Variants in PPHLN1 observed in about 807,000 individuals in gnomAD.
PPHLN1 encodes the protein periphilin 1.
In PPHLN1, 29 loss-of-function variants were observed where a neutral mutation model predicts 51.3. The ratio of observed to expected loss-of-function variants is 0.57; its 90% CI spans 0.42 to 0.77. PPHLN1 has a LOEUF of 0.77. Among genes scored for constraint, PPHLN1 ranks in the 30% least tolerant of loss-of-function variants. The probability of loss-of-function intolerance (pLI) is 0.00; values close to 1 mark genes in which losing one functional copy is unlikely to be tolerated. For missense variants in PPHLN1, 436 were observed against 438.4 expected (o/e 0.99, Z 0.05); for synonymous variants, 147 against 147.8 (o/e 0.99, Z 0.04).
At chr12:42,389,435 C>T (rs1260248657) in intron 7 of PPHLN1, among the ~76,000 whole-genome samples, 2 of 151,796 alleles carry the variant, frequency 1.3e-5, no homozygotes, top group African/African-American at 4.8e-5. Flanking sequence ...TGGCACGTGC[C>T]TGTAGTCCCA....
intron 7 of PPHLN1, among the ~76,000 whole-genome samples, chr12:42,391,816 C>T (rs1184345034): frequency 1.3e-5 from 2 of 152,056 alleles, no homozygotes; most frequent in Admixed American, 6.6e-5. Flanking sequence ...GTAGAATATA[C>T]TTCATATAGA....
intron 4 of PPHLN1, among the ~76,000 whole-genome samples, chr12:42,364,625 A>G (rs2075066936): frequency 6.6e-6 from 1 of 152,100 alleles, no homozygotes; most frequent in Non-Finnish European, 1.5e-5. Context: ...CTCTGTCTCA[A>G]AAAATTTTTA....
chr12:42,361,930 CT>C (rs1244754469), intron 4 of PPHLN1, among the ~76,000 whole-genome samples: 1 of 152,108 alleles, frequency 6.6e-6, no homozygotes, highest in African/African-American at 2.4e-5. Flanking sequence ...GTAATCTATG[CT>C]TATCTTTTTG....
intron 8 of PPHLN1, 149 bp downstream of exon 8, chr12:42,393,838 A>ATTCATATTCT: frequency 1.3e-6 from 1 of 778,060 alleles, no homozygotes; most frequent in Non-Finnish European, 1.9e-6. Context: ...AATGATAGTC[A>ATTCATATTCT]GAATATGAAT....
chr12:42,431,877 C>G, intron 9 of PPHLN1: 1 of 1,590,398 alleles, frequency 6.3e-7, no homozygotes. Flanking sequence ...CAGATTCAGT[C>G]ATTCCATCCA....
At chr12:42,380,311 G>C (rs1206447102) in intron 5 of PPHLN1, among the ~76,000 whole-genome samples, 1 of 151,882 alleles carries the variant, frequency 6.6e-6, no homozygotes. Flanking sequence ...TTGTTTGTTT[G>C]GCCTTTGTTT....
rs142428608 is a variant in PPHLN1, at chr12:42,394,573, G to C, written c.768+884G>C. On this transcript the variant is annotated intron_variant, in intron 8 of 9. Transcript: ENST00000358314. ...AACTAATGTACACTGCTCATAAAAA[G>C]TATAAACCCTATCAGAACTTACGCA... is the stretch of plus-strand genomic sequence containing the variant. Among the ~76,000 whole-genome samples the C allele has an allele frequency of 2.0e-5, 3 of 152,206 alleles. 1 individual carries two copies. The highest frequency in any genetic ancestry group is 7.2e-5 in the African/African-American group (3 of 41,570).
intron 5 of PPHLN1, among the ~76,000 whole-genome samples, chr12:42,376,629 A>C (rs1037278189): frequency 6.6e-6 from 1 of 152,108 alleles, no homozygotes. Context: ...TCTCTCAAAA[A>C]AGAATTTAAA....
intron 9 of PPHLN1, among the ~76,000 whole-genome samples, chr12:42,410,324 T>G (rs963260013): frequency 2.0e-5 from 3 of 152,332 alleles, no homozygotes; most frequent in East Asian, 1.9e-4. Context: ...TCTGATTTTT[T>G]TAAACTTTGT....
At chr12:42,400,315 A>T (rs947592498) in intron 9 of PPHLN1, 1 of 151,446 alleles carries the variant, frequency 6.6e-6, no homozygotes, top group Non-Finnish European at 1.5e-5. Context: ...AAAAATACAA[A>T]AAATTAGCCG....
At chr12:42,443,715 T>C (rs2083134529), downstream of PPHLN1, 1 of 152,244 alleles carries the variant, frequency 6.6e-6, no homozygotes, top group African/African-American at 2.4e-5. Context: ...TGGAGACTTT[T>C]GCATGGCTTA....
At chr12:42,368,041 A>G (rs2138619841) in intron 4 of PPHLN1, among the ~76,000 whole-genome samples, 1 of 152,344 alleles carries the variant, frequency 6.6e-6, no homozygotes, top group African/African-American at 2.4e-5. Context: ...CCAGCCAAAA[A>G]TAAATTATTA....
At chr12:42,367,616 AT>A (rs1288814114) in intron 4 of PPHLN1, among the ~76,000 whole-genome samples, 1 of 151,708 alleles carries the variant, frequency 6.6e-6, no homozygotes, top group Non-Finnish European at 1.5e-5. Flanking sequence ...GTGAGGTGAT[AT>A]TTTTCGTCTA....
At chr12:42,374,045 TC>T (rs1274284370) in intron 4 of PPHLN1, among the ~76,000 whole-genome samples, 4 of 152,126 alleles carry the variant, frequency 2.6e-5, no homozygotes, top group Non-Finnish European at 5.9e-5. Flanking sequence ...GTTATGATAA[TC>T]AAAAATACCT....
intron 1 of PPHLN1, among the ~76,000 whole-genome samples, chr12:42,328,306 T>C (rs868832735): frequency 2.4e-4 from 36 of 152,274 alleles, no homozygotes; most frequent in Middle Eastern, 3.4e-3. Flanking sequence ...AGGTTAGATA[T>C]AATAGAAGGA....
At chr12:42,348,904 T>C (rs1474464510) in intron 2 of PPHLN1, among the ~76,000 whole-genome samples, 1 of 152,184 alleles carries the variant, frequency 6.6e-6, no homozygotes, top group African/African-American at 2.4e-5. Context: ...GTATATTCAT[T>C]TGTGTATCAT....
At chr12:42,382,196 T>C (rs964008990) in intron 5 of PPHLN1, among the ~76,000 whole-genome samples, 1 of 152,234 alleles carries the variant, frequency 6.6e-6, no homozygotes, top group East Asian at 1.9e-4. Flanking sequence ...ACCAAATACT[T>C]TGAAACTCTT....
intron 9 of PPHLN1, among the ~76,000 whole-genome samples, chr12:42,417,061 A>G (rs994597504): frequency 6.6e-6 from 1 of 152,164 alleles, no homozygotes; most frequent in Non-Finnish European, 1.5e-5. Context: ...TTTTTGAGGG[A>G]GGGATAATGA....
At chr12:42,394,644 C>T (rs2078037555) in intron 8 of PPHLN1, among the ~76,000 whole-genome samples, 1 of 151,974 alleles carries the variant, frequency 6.6e-6, no homozygotes, top group Non-Finnish European at 1.5e-5. Context: ...TTTTAGATAT[C>T]GATTGTTCTT....
Sources: allele counts gnomAD v4.1 joint callset (sites outside exome capture counted in the v4.1 genomes callset), GRCh38; gene constraint gnomAD v4.1.1; transcripts MANE v1.5; gene names NCBI Gene and HGNC (gene_info 2026-07-23, HGNC 2026-07-21).